TRIM67: variants seen among roughly 807,000 people sequenced by gnomAD.
TRIM67 encodes tripartite motif containing 67.
A neutral mutation model predicts 71.0 loss-of-function variants in TRIM67; 39 were observed. That is an observed-to-expected ratio of 0.55 (90% confidence interval 0.43 to 0.72). TRIM67 has a LOEUF of 0.72. Among genes scored for constraint, TRIM67 ranks in the 30% least tolerant of loss-of-function variants. The probability of loss-of-function intolerance (pLI) is 0.00; values close to 1 mark genes in which losing one functional copy is unlikely to be tolerated. For missense variants in TRIM67, 973 were observed against 1,079.2 expected (o/e 0.90, Z 1.38); for synonymous variants, 481 against 473.9 (o/e 1.01, Z -0.19).
Position 231,215,435 on chromosome 1 carries a change from A to T in TRIM67, c.2347A>T (p.Asn783Tyr), listed in dbSNP as rs1266776305. Residue 783 changes from asparagine to tyrosine, a missense_variant, in exon 10 of 10, where the codon AAT (asparagine) becomes TAT (tyrosine). Asn to Tyr is a moderately radical substitution (Grantham distance 143). Coordinates refer to ENST00000366653, the MANE Select transcript of TRIM67 (RefSeq NM_001004342.5). ...TNLGRPKLSG[N>Y] ...CCTGGGGCGGCCAAAGCTGTCAGGC[A>T]ATTAGCCCCGCTCCAGCTCGGCACT... 12 of 1,609,578 alleles carry T rather than the reference A, an allele frequency of 7.5e-6. No homozygotes were observed. Among genetic ancestry groups the T allele is most frequent in the African/African-American group, 1.3e-5 (1 of 74,842 alleles).
chr1:231,176,907 A>AAAAAAAAAAAAAAAAAAAAC (rs1682764489), intron 1 of TRIM67, among the ~76,000 whole-genome samples: 1 of 58,166 alleles, frequency 1.7e-5, no homozygotes, highest in Non-Finnish European at 3.0e-5. Flanking sequence ...ACAATCTGGC[A>AAAAAAAAAAAAAAAAAAAAC]AAAAAAAAAA....
Position 231,216,827 on chromosome 1 carries a change from C to G in TRIM67, c.*1387C>G. Reference sequence around the variant, plus strand: ...GCAGGGGTTTTGAGCCTGCCAGGCTCTTGTTCCCAGGGAACCCTTCCTCTC... The same window carrying G: ...GCAGGGGTTTTGAGCCTGCCAGGCTGTTGTTCCCAGGGAACCCTTCCTCTC... On this transcript the variant is annotated 3_prime_UTR_variant, in exon 10 of 10. Coordinates refer to ENST00000366653, the MANE Select transcript of TRIM67 (RefSeq NM_001004342.5). 1 of 985,578 alleles carries G rather than the reference C, an allele frequency of 1.0e-6. No homozygotes were observed. 61.1% of individuals were successfully genotyped at this position (985,578 alleles called of 1,614,324 possible).
At chr1:231,172,711 G>A (rs1001544431) in intron 1 of TRIM67, among the ~76,000 whole-genome samples, 1 of 152,184 alleles carries the variant, frequency 6.6e-6, no homozygotes, top group Non-Finnish European at 1.5e-5. Context: ...ATTAGGTCAA[G>A]GTTGTGTTAG....
chr1:231,216,522 G>A lies in TRIM67; in HGVS notation c.*1082G>A, dbSNP rs1684016831. ...AAGCATTTAAAATGGGAGACCCTGG[G>A]AAAGCCTGTTCTAGTCAGTCCACCC... is the stretch of plus-strand genomic sequence containing the variant. On this transcript the variant is annotated 3_prime_UTR_variant, in exon 10 of 10. Transcript: ENST00000366653. 3 of 985,394 alleles carry A rather than the reference G, an allele frequency of 3.0e-6. 1 individual carries two copies. The South Asian group carries it at 1.4e-4, about 46-fold the overall frequency. 61.0% of individuals were successfully genotyped at this position (985,394 alleles called of 1,614,324 possible). A position where few individuals can be genotyped will look rare whatever the true frequency, so the allele number is the denominator to read the frequency against.
At position 231,215,904 on chromosome 1, in the gene TRIM67, C is replaced by T. The variant is rs1027415044; in HGVS notation, c.*464C>T. On this transcript the variant is annotated 3_prime_UTR_variant, in exon 10 of 10. Coordinates refer to ENST00000366653, the MANE Select transcript of TRIM67 (RefSeq NM_001004342.5). The stretch of plus-strand genomic sequence containing the variant: ...TGGGGACCTTGCCTCCTCAGAGTCC[C>T]GAGATTGCAGATTCTCATCATGCTG... The T allele has an allele frequency of 1.2e-5, 12 of 991,702 alleles. No individual in the cohort carries two copies. Among genetic ancestry groups the T allele is most frequent in the Non-Finnish European group, 1.4e-5 (12 of 834,562 alleles). 61.4% of individuals were successfully genotyped at this position (991,702 alleles called of 1,614,324 possible).
Position 231,209,176 on chromosome 1 carries a change from G to A in TRIM67, c.2049G>A (p.Lys683=). 1 of 1,612,092 alleles carries A rather than the reference G, an allele frequency of 6.2e-7. No individual in the cohort carries two copies. The highest frequency in any genetic ancestry group is 8.5e-7 in the Non-Finnish European group (1 of 1,178,616). The change falls in exon 8 of 10, where the codon AAG becomes AAA. Residue 683 remains lysine (K), a synonymous_variant. Coordinates refer to ENST00000366653, the MANE Select transcript of TRIM67 (RefSeq NM_001004342.5). This position sits in a 1 kb window ranked among gnomAD's most constrained non-coding sequence, Gnocchi z 4.1. Reference sequence around the variant, plus strand: ...TGGTCAAGGACATGATGCTGGGCAAGGATGACAAGGCCTGGGCCATGTATG... The same window carrying A: ...TGGTCAAGGACATGATGCTGGGCAAAGATGACAAGGCCTGGGCCATGTATG... The part of the protein sequence containing the change: ...ASVVKDMMLG[K]DDKAWAMYVD...
At chr1:231,205,693 T>C (rs1683675101) in intron 6 of TRIM67, among the ~76,000 whole-genome samples, 1 of 145,122 alleles carries the variant, frequency 6.9e-6, no homozygotes, top group South Asian at 2.2e-4. Flanking sequence ...ACCACTGCAC[T>C]CCAGCCTGGG....
chr1:231,163,158 C>T lies in TRIM67; in HGVS notation c.189C>T (p.Ala63=), dbSNP rs754577110. ...CGGGGCTGCAGGCGGGCGCCGCCGC[C>T]GCTGCCTCTCTGGAGCACGACGCTG... ...RGSGLQAGAA[A]AASLEHDAAA... The change falls in exon 1 of 10, where the codon GCC becomes GCT. Residue 63 remains alanine, a synonymous_variant. Coordinates refer to ENST00000366653, the MANE Select transcript of TRIM67 (RefSeq NM_001004342.5). 2.0e-6 allele frequency: 3 copies of T among 1,507,330 alleles called. No individual in the cohort carries two copies. The highest frequency in any genetic ancestry group is 2.7e-6 in the Non-Finnish European group (3 of 1,127,358). The allele number at this position is 1,507,330 out of a possible 1,614,324, so 93.4% of individuals were successfully genotyped here. A position where few individuals can be genotyped will look rare whatever the true frequency, so the allele number is the denominator to read the frequency against.
chr1:231,191,801 G>A (rs1683237665), intron 1 of TRIM67, among the ~76,000 whole-genome samples: 1 of 152,218 alleles, frequency 6.6e-6, no homozygotes, highest in Non-Finnish European at 1.5e-5. Context: ...CAGTGTGGGA[G>A]AGGATTGAGA....
At chr1:231,175,143 A>ATGT (rs1357367138) in intron 1 of TRIM67, among the ~76,000 whole-genome samples, 15 of 152,220 alleles carry the variant, frequency 9.9e-5, no homozygotes, top group Admixed American at 7.9e-4. Context: ...GAATGTCACC[A>ATGT]CACACCATCA....
chr1:231,199,276 A>T (rs1364527238), intron 3 of TRIM67, 107 bp downstream of exon 3: 2 of 1,085,232 alleles, frequency 1.8e-6, no homozygotes, highest in Non-Finnish European at 2.8e-6. Flanking sequence ...AAGTGAGTGA[A>T]TGAATGAGCT....
At position 231,175,376 on chromosome 1, in the gene TRIM67, G is replaced by C. The variant is rs550271784; in HGVS notation, c.1044+11363G>C. 7.9e-5 allele frequency among the ~76,000 whole-genome samples: 12 copies of C among 152,348 alleles called. No homozygotes were observed. In the South Asian group the frequency reaches 2.5e-3, roughly 32 times the overall value. ...GGATCTCAGGAAGTGTGAGAGGTCT[G>C]AGTTTTTAGCCTACTTACAAGCCAA... On this transcript the variant is annotated intron_variant, in intron 1 of 9. Coordinates refer to ENST00000366653, the MANE Select transcript of TRIM67 (RefSeq NM_001004342.5).
At position 231,180,957 on chromosome 1, in the gene TRIM67, TTTTGTTTG is replaced by T. The variant is rs201759143; in HGVS notation, c.1045-16392_1045-16385del. The stretch of plus-strand genomic sequence containing the variant: ...AGTGCCACCTCTCAGGAGAAGGTTT[TTTTGTTTG>T]TTTGTTTGTTTGTTTGTTTGTGATG... On this transcript the variant is annotated intron_variant, in intron 1 of 9. Coordinates refer to ENST00000366653, the MANE Select transcript of TRIM67 (RefSeq NM_001004342.5). Among the ~76,000 whole-genome samples, 786 of 94,946 alleles carry T rather than the reference TTTTGTTTG, an allele frequency of 8.3e-3. 6 individuals are homozygous for T. Among genetic ancestry groups the T allele is most frequent in the African/African-American group, 0.023 (682 of 29,652 alleles). 62.3% of individuals were successfully genotyped at this position (94,946 alleles called of 152,430 possible).
chr1:231,212,578 T>G (rs1203214405), intron 8 of TRIM67, among the ~76,000 whole-genome samples: 1 of 152,098 alleles, frequency 6.6e-6, no homozygotes, highest in Non-Finnish European at 1.5e-5. Context: ...AGTAACAAGT[T>G]AGAGTAAAAA....
At position 231,163,862 on chromosome 1, in the gene TRIM67, G is replaced by A. The variant is rs1195378585; in HGVS notation, c.893G>A (p.Arg298His). The change falls in exon 1 of 10, where the codon CGC becomes CAC. Residue 298 changes from arginine to histidine, a missense_variant. Around this residue, in one of 2 missense-constraint regions of TRIM67, gnomAD observed 795 missense variants for 831.3 expected, o/e 0.96. Transcript: ENST00000366653. ...GAGATGGSTA[R>H]KFPTCPEHEM... ...GGGGCGACTGGGGGCAGCACGGCCC[G>A]CAAGTTCCCCACGTGTCCCGAGCAT... 13 of 1,565,282 alleles carry A rather than the reference G, an allele frequency of 8.3e-6. No homozygotes were observed. Among genetic ancestry groups the A allele is most frequent in the South Asian group, 1.2e-5 (1 of 84,792 alleles).
rs1378459109 is a variant in TRIM67, at chr1:231,217,317, C to T, written c.*1877C>T. On this transcript the variant is annotated 3_prime_UTR_variant, in exon 10 of 10. Transcript: ENST00000366653. ...AGTCTAGGTCTTGCCTCTTCCTTGTCATCTCACCAAGCGGTTTCTGGGTCT... is the reference window on the plus strand; with the variant it reads ...AGTCTAGGTCTTGCCTCTTCCTTGTTATCTCACCAAGCGGTTTCTGGGTCT... 3 of 986,042 alleles carry T rather than the reference C, an allele frequency of 3.0e-6. No homozygotes were observed. The highest frequency in any genetic ancestry group is 3.6e-6 in the Non-Finnish European group (3 of 830,418). The allele number at this position is 986,042 out of a possible 1,614,324, so 61.1% of individuals were successfully genotyped here.
At chr1:231,185,093 G>A in intron 1 of TRIM67, 5 of 1,532,934 alleles carry the variant, frequency 3.3e-6, no homozygotes, top group Non-Finnish European at 4.4e-6. Context: ...GGGCACTTCG[G>A]TCACCATCTG....
In TRIM67 at chr1:231,163,452, G is replaced by A; in HGVS notation, c.483G>A (p.Gln161=). The A allele has an allele frequency of 6.5e-7, 1 of 1,540,146 alleles. No individual in the cohort carries two copies. Among genetic ancestry groups the A allele is most frequent in the Non-Finnish European group, 8.7e-7 (1 of 1,148,878 alleles). Residue 161 remains glutamine, a synonymous_variant, in exon 1 of 10, where the codon CAG becomes CAA. Coordinates refer to ENST00000366653, the MANE Select transcript of TRIM67 (RefSeq NM_001004342.5). The part of the protein sequence containing the change: ...SSSSSSITCP[Q]CHRSASLDHR... ...CTTCGAGCTCCATCACGTGCCCGCA[G>A]TGCCACCGCAGCGCATCCCTGGACC...
At chr1:231,177,483 A>C (rs74537614) in intron 1 of TRIM67, among the ~76,000 whole-genome samples, 9,050 of 152,334 alleles carry the variant, frequency 0.059, 352 homozygotes, top group Middle Eastern at 0.18. Context: ...GGCTTCATGC[A>C]TCAGACATCC....
Sources: gnomAD v4.1 joint callset for allele counts (sites outside exome capture counted in the v4.1 genomes callset) on GRCh38, gnomAD v4.1.1 for gene constraint, gnomAD v4.1.1 regional missense constraint, Gnocchi (gnomAD v3.1) non-coding constraint, MANE v1.5 for transcripts, NCBI Gene and HGNC (gene_info 2026-07-23, HGNC 2026-07-21) for gene names.